The following SPO11 variants were observed in gnomAD, a reference collection of about 807,000 sequenced individuals.
SPO11 encodes meiotic recombination protein SPO11.
SPO11 carries 49 observed loss-of-function variants against 51.6 expected under a neutral mutation model. The ratio of observed to expected loss-of-function variants is 0.95; its 90% CI spans 0.75 to 1.20. The LOEUF is 1.20. Ranked by LOEUF, SPO11 falls within the 50% of genes most tolerant of loss-of-function variation. The pLI, the probability that SPO11 is intolerant of heterozygous loss-of-function variation, is 0.00. For missense variants in SPO11, 431 were observed against 473.4 expected, an observed-to-expected ratio of 0.91 and a Z score of 0.83; for synonymous variants, 176 against 158.2, an observed-to-expected ratio of 1.11 and a Z score of -0.84.
At position 57,339,010 on chromosome 20, in the gene SPO11, A is replaced by C; in HGVS notation, c.866A>C (p.Tyr289Ser). 2 of 1,489,416 alleles carry C rather than the reference A, an allele frequency of 1.3e-6. No homozygotes were observed. The highest frequency in any genetic ancestry group is 1.2e-5 in the South Asian group (1 of 81,402). The allele number at this position is 1,489,416 out of a possible 1,614,324, so 92.3% of individuals were successfully genotyped here. The part of the protein sequence containing the change: ...DPHGIEIMCI[Y>S]KYGSMSMSFE... Reference sequence around the variant, plus strand: ...ACAGGCATAGAAATAATGTGCATCTATAAGTATGGATCTATGGTAAGTATA... The same window carrying C: ...ACAGGCATAGAAATAATGTGCATCTCTAAGTATGGATCTATGGTAAGTATA... The change falls in exon 10 of 13, where the codon TAT becomes TCT. Residue 289 changes from tyrosine (Y) to serine (S), a missense_variant. Coordinates refer to ENST00000371263, the MANE Select transcript of SPO11 (RefSeq NM_012444.3).
chr20:57,337,733 T>TC (rs57343077), intron 8 of SPO11: 5 of 1,304,636 alleles, frequency 3.8e-6, no homozygotes, highest in East Asian at 4.9e-5. Context: ...CATTTTTTTT[T>TC]CACAGTCAAC....
chr20:57,338,746 G>A (rs1261517217), intron 9 of SPO11, among the ~76,000 whole-genome samples: 4 of 152,002 alleles, frequency 2.6e-5, no homozygotes, highest in African/African-American at 9.7e-5. Flanking sequence ...TGCCCAGCCT[G>A]TAGTTGTGTT....
At chr20:57,335,351 G>A in intron 6 of SPO11, 68 bp from the exon 7 acceptor site, 1 of 1,302,420 alleles carries the variant, frequency 7.7e-7, no homozygotes, top group Non-Finnish European at 1.1e-6. Flanking sequence ...AAAACAGAGG[G>A]CTTTGTGATA....
At chr20:57,333,873 T>A (rs1199468727) in intron 4 of SPO11, 114 bp from the exon 5 acceptor site, 7 of 906,262 alleles carry the variant, frequency 7.7e-6, no homozygotes, top group Non-Finnish European at 8.3e-6. Flanking sequence ...TAATTTACTT[T>A]CTTTATATGT....
At chr20:57,333,867 T>A (rs2066478535) in intron 4 of SPO11, 114 bp downstream of exon 4, 14 of 905,838 alleles carry the variant, frequency 1.5e-5, no homozygotes, top group African/African-American at 3.4e-5. Context: ...AGCTCATAAT[T>A]TACTTTCTTT....
intron 11 of SPO11, among the ~76,000 whole-genome samples, chr20:57,341,899 T>C (rs2066586766): frequency 6.6e-6 from 1 of 152,158 alleles, no homozygotes; most frequent in Non-Finnish European, 1.5e-5. Context: ...AAAAACACTA[T>C]GGTAGCTACA....
At chr20:57,340,772 A>G (rs2066572510) in intron 11 of SPO11, among the ~76,000 whole-genome samples, 1 of 152,172 alleles carries the variant, frequency 6.6e-6, no homozygotes. Context: ...GTCTCCAAAA[A>G]AAAAAAAGTA....
intron 8 of SPO11, chr20:57,337,789 T>G: frequency 7.8e-7 from 1 of 1,274,078 alleles, no homozygotes; most frequent in Non-Finnish European, 1.0e-6. Flanking sequence ...GATGTAACCC[T>G]TTTTTTTGGT....
In SPO11 at chr20:57,342,762, G is replaced by A; in HGVS notation, c.993G>A (p.Leu331=). Residue 331 remains leucine, a synonymous_variant, in exon 12 of 13, where the codon CTG becomes CTA. Transcript: ENST00000371263. ...TACCTAAAGATAGTTTGATTCCACTGACAAAAAGGGACCAAATGAAACTTG... is the reference window on the plus strand; with the variant it reads ...TACCTAAAGATAGTTTGATTCCACTAACAAAAAGGGACCAAATGAAACTTG... The part of the protein sequence containing the change: ...LNVPKDSLIP[L]TKRDQMKLDS... 1.2e-6 allele frequency: 2 copies of A among 1,613,304 alleles called. No homozygotes were observed. Among genetic ancestry groups the A allele is most frequent in the African/African-American group, 1.3e-5 (1 of 74,970 alleles).
intron 4 of SPO11, 96 bp downstream of exon 4, chr20:57,333,849 TA>T (rs1479230190): frequency 1.1e-6 from 1 of 946,910 alleles, no homozygotes; most frequent in Non-Finnish European, 1.6e-6. Context: ...TACATAAGAC[TA>T]AACTATAGCT....
chr20:57,338,479 G>C (rs1323965864), intron 9 of SPO11, 104 bp downstream of exon 9: 1 of 823,384 alleles, frequency 1.2e-6, no homozygotes, highest in East Asian at 2.8e-5. Context: ...ATTGAGTCCT[G>C]CTCTGTCACC....
At chr20:57,335,775 AT>A (rs768716192) in intron 7 of SPO11, 22 bp from the exon 8 acceptor site, 75 of 1,412,998 alleles carry the variant, frequency 5.3e-5, no homozygotes, top group Non-Finnish European at 7.4e-5. Flanking sequence ...CTTGCTTTCA[AT>A]TTATCAGCCT....
chr20:57,343,660 A>G lies in SPO11; in HGVS notation c.*200A>G, dbSNP rs1600691357. On this transcript the variant is annotated 3_prime_UTR_variant, in exon 13 of 13. Transcript: ENST00000371263. ...TTTGCAAGGCCTTATTCTTGCCTCT[A>G]TAGAGACAGATTTCTGTCCTATCTT... 1.2e-5 allele frequency: 5 copies of G among 412,436 alleles called. No individual in the cohort carries two copies. Among genetic ancestry groups the G allele is most frequent in the African/African-American group, 2.1e-5 (1 of 48,074 alleles). The allele number at this position is 412,436 out of a possible 1,614,324, so 25.5% of individuals were successfully genotyped here.
At chr20:57,332,936 C>A (rs1481447153) in intron 2 of SPO11, among the ~76,000 whole-genome samples, 1 of 152,048 alleles carries the variant, frequency 6.6e-6, no homozygotes, top group South Asian at 2.1e-4. Context: ...ACTCCCACAC[C>A]CCCTAATCAA....
chr20:57,330,758 A>C (rs1246385945), intron 1 of SPO11, among the ~76,000 whole-genome samples: 2 of 152,258 alleles, frequency 1.3e-5, no homozygotes, highest in Non-Finnish European at 2.9e-5. Context: ...ACCTACAAAC[A>C]AACCAATTTT....
chr20:57,337,788 C>CTT, intron 8 of SPO11: 1 of 1,298,498 alleles, frequency 7.7e-7, no homozygotes, highest in Non-Finnish European at 1.0e-6. Flanking sequence ...AGATGTAACC[C>CTT]TTTTTTTTGG....
Position 57,336,015 on chromosome 20 carries a change from G to A in SPO11, c.744+108G>A, listed in dbSNP as rs1221654708. On this transcript the variant is annotated intron_variant, in intron 8 of 12. Coordinates refer to ENST00000371263, the MANE Select transcript of SPO11 (RefSeq NM_012444.3). ...CACAATGTCCTGTTTTCAATATAATGCATCCTTTGGGATCATAGAACGGGA... is the reference window on the plus strand; with the variant it reads ...CACAATGTCCTGTTTTCAATATAATACATCCTTTGGGATCATAGAACGGGA... 9 of 624,474 alleles carry A rather than the reference G, an allele frequency of 1.4e-5. No homozygotes were observed. In the East Asian group the frequency reaches 1.8e-4, roughly 12 times the overall value. 38.7% of individuals were successfully genotyped at this position (624,474 alleles called of 1,614,324 possible).
In SPO11 at chr20:57,331,864, A is replaced by G; in HGVS notation, c.163A>G (p.Ile55Val). 1 of 1,605,954 alleles carries G rather than the reference A, an allele frequency of 6.2e-7. No homozygotes were observed. The highest frequency in any genetic ancestry group is 8.5e-7 in the Non-Finnish European group (1 of 1,175,936). Residue 55 changes from isoleucine to valine, a missense_variant, in exon 2 of 13, where the codon ATC becomes GTC. Physicochemically the swap from Ile to Val is conservative, Grantham distance 29. Coordinates refer to ENST00000371263, the MANE Select transcript of SPO11 (RefSeq NM_012444.3). ...SEVLASIENI[I>V]QDIITSLARN... ...GGTTCTTGCATCTATAGAAAATATT[A>G]TCCAAGACATAATCACAAGCTTGGC...
intron 12 of SPO11, 55 bp downstream of exon 12, chr20:57,342,895 T>A: frequency 8.3e-7 from 1 of 1,207,288 alleles, no homozygotes; most frequent in East Asian, 2.4e-5. Flanking sequence ...TTTACTTTAG[T>A]AGTGGCTATT....
Sources: allele counts gnomAD v4.1 joint callset (sites outside exome capture counted in the v4.1 genomes callset), GRCh38; gene constraint gnomAD v4.1.1; transcripts MANE v1.5; gene names NCBI Gene and HGNC (gene_info 2026-07-23, HGNC 2026-07-21).